KMT2A: variants seen among roughly 807,000 people sequenced by gnomAD.
KMT2A encodes the protein lysine methyltransferase 2A, also known as histone-lysine N-methyltransferase 2A.
In KMT2A, 16 loss-of-function variants were observed where a neutral mutation model predicts 345.3. That is an observed-to-expected ratio of 0.05 (90% CI 0.03 to 0.07). The LOEUF is 0.07. Among genes scored for constraint, KMT2A ranks in the 10% least tolerant of loss-of-function variants. KMT2A has a pLI of 1.00. For missense variants in KMT2A, 3,272 were observed against 4,841.6 expected (o/e 0.68, Z 9.62); for synonymous variants, 1,599 against 1,778.6 (o/e 0.90, Z 2.54).
Position 118,506,447 on chromosome 11 carries a change from C to T in KMT2A, c.10555C>T (p.Pro3519Ser). ...QASPTSPGGSPSSPSSGQRSA... is the reference protein window; with the variant it reads ...QASPTSPGGSSSSPSSGQRSA... ...CAGCCCCACCTCTCCTGGGGGTTCT[C>T]CATCCTCTCCATCTTCTGGACAGCG... Residue 3519 changes from proline to serine, a missense_variant, in exon 27 of 36, where the codon CCA (proline) becomes TCA (serine). This residue lies in a region of KMT2A where 748 missense variants were observed against 922.2 expected (regional missense o/e 0.81). Transcript: ENST00000534358. 1.2e-6 allele frequency: 2 copies of T among 1,614,204 alleles called. No individual in the cohort carries two copies. Among genetic ancestry groups the T allele is most frequent in the Non-Finnish European group, 1.7e-6 (2 of 1,180,022 alleles).
At position 118,499,386 on chromosome 11, in the gene KMT2A, T is replaced by C. The variant is rs371070385; in HGVS notation, c.6045T>C (p.Asn2015=). 4 of 1,611,586 alleles carry C rather than the reference T, an allele frequency of 2.5e-6. No individual in the cohort carries two copies. In the African/African-American group the frequency reaches 5.3e-5, roughly 21 times the overall value. ...EGISLRRKFL[N]GLEPENIHMM... ...TCAGCTTGAGAAGGAAGTTTCTCAA[T>C]GGCTTGGAACCAGAAAATATCCACA... Residue 2015 remains asparagine (N), a synonymous_variant, in exon 23 of 36, where the codon AAT becomes AAC. Transcript: ENST00000534358.
In KMT2A at chr11:118,468,007, C is replaced by CT. The variant is rs543999430; in HGVS notation, c.433-757dup. ...TTGTGCAAAATAGGTTAAACAAATC[C>CT]TTTTTTTTTTTATAGAGCAGGTTAA... On this transcript the variant is annotated intron_variant, in intron 1 of 35. Transcript: ENST00000534358. 6.8e-3 allele frequency among the ~76,000 whole-genome samples: 988 copies of CT among 145,146 alleles called. 10 individuals are homozygous for CT. The highest frequency in any genetic ancestry group is 0.022 in the African/African-American group (867 of 39,850).
intron 1 of KMT2A, among the ~76,000 whole-genome samples, chr11:118,459,775 GC>G (rs1949711673): frequency 3.1e-5 from 1 of 32,436 alleles, no homozygotes; most frequent in Non-Finnish European, 6.7e-5. Flanking sequence ...CCAACCCCCC[GC>G]CCCGGGTTCA....
Position 118,506,428 on chromosome 11 carries a change from C to T in KMT2A, c.10536C>T (p.Pro3512=), listed in dbSNP as rs1950584462. ...TATCCTCAGCTGTGCAAGCCAGCCC[C>T]ACCTCTCCTGGGGGTTCTCCATCCT... ...KALSSAVQAS[P]TSPGGSPSSP... The change falls in exon 27 of 36, where the codon CCC becomes CCT. Residue 3512 remains proline, a synonymous_variant. Transcript: ENST00000534358. The T allele has an allele frequency of 6.2e-7, 1 of 1,614,088 alleles. No individual in the cohort carries two copies. Among genetic ancestry groups the T allele is most frequent in the Non-Finnish European group, 8.5e-7 (1 of 1,180,042 alleles).
At chr11:118,468,708 T>C (rs1555034741) in intron 1 of KMT2A, 67 bp from the exon 2 acceptor site, 1 of 1,249,058 alleles carries the variant, frequency 8.0e-7, no homozygotes, top group Non-Finnish European at 1.2e-6. Flanking sequence ...CCTCTGGGCA[T>C]TTCTTTGGGA....
rs782260851 is a variant in KMT2A, at chr11:118,473,007, A to G, written c.1848A>G (p.Thr616=). The G allele has an allele frequency of 3.1e-6, 5 of 1,614,126 alleles. No individual in the cohort carries two copies. In the South Asian group the frequency reaches 5.5e-5, roughly 18 times the overall value. ...GAAAATCTATTTTGCGAGAACCGACATTTAGGTGGACTTCTTTAAAGCATT... is the reference window on the plus strand; with the variant it reads ...GAAAATCTATTTTGCGAGAACCGACGTTTAGGTGGACTTCTTTAAAGCATT... The part of the protein sequence containing the change: ...GKRKSILREP[T]FRWTSLKHSR... The change falls in exon 3 of 36, where the codon ACA becomes ACG. Residue 616 remains threonine (T), a synonymous_variant. Coordinates refer to ENST00000534358, the MANE Select transcript of KMT2A (RefSeq NM_001197104.2). The surrounding 1 kb of genome is among the most constrained non-coding windows in gnomAD (Gnocchi z 5.2).
Position 118,459,906 on chromosome 11 carries a change from G to A in KMT2A, c.433-8869G>A, listed in dbSNP as rs372495758. ...TTCACCATGTCTCTGGTCATGTCAGGATGGTCTCAAACTCCTGACCTCAAG... is the reference window on the plus strand; with the variant it reads ...TTCACCATGTCTCTGGTCATGTCAGAATGGTCTCAAACTCCTGACCTCAAG... On this transcript the variant is annotated intron_variant, in intron 1 of 35. Coordinates refer to ENST00000534358, the MANE Select transcript of KMT2A (RefSeq NM_001197104.2). 1.4e-4 allele frequency among the ~76,000 whole-genome samples: 21 copies of A among 152,172 alleles called. No individual in the cohort carries two copies. In the East Asian group the frequency reaches 3.9e-3, roughly 28 times the overall value.
chr11:118,520,148 C>A lies in KMT2A; in HGVS notation c.11429+84C>A. 1 of 883,056 alleles carries A rather than the reference C, an allele frequency of 1.1e-6. No individual in the cohort carries two copies. The highest frequency in any genetic ancestry group is 1.8e-6 in the Non-Finnish European group (1 of 558,722). 54.7% of individuals were successfully genotyped at this position (883,056 alleles called of 1,614,324 possible). ...AGGGCACTACGTAGGAATTTGTTTGCATCAGAATTTCCTGGATAAGATTTA... is the reference window on the plus strand; with the variant it reads ...AGGGCACTACGTAGGAATTTGTTTGAATCAGAATTTCCTGGATAAGATTTA... On this transcript the variant is annotated intron_variant, in intron 33 of 35. Transcript: ENST00000534358. This position sits in a 1 kb window ranked among gnomAD's most constrained non-coding sequence, Gnocchi z 4.3.
At position 118,502,312 on chromosome 11, in the gene KMT2A, A is replaced by C. The variant is rs1199681859; in HGVS notation, c.6506-86A>C. The stretch of plus-strand genomic sequence containing the variant: ...TTTCCAGTTACCTATAAATATATAT[A>C]TATATAGTCAAATCATTGAAACCAG... On this transcript the variant is annotated intron_variant, in intron 26 of 35. Coordinates refer to ENST00000534358, the MANE Select transcript of KMT2A (RefSeq NM_001197104.2). The surrounding 1 kb of genome is among the most constrained non-coding windows in gnomAD (Gnocchi z 4.9). The C allele has an allele frequency of 1.3e-5, 10 of 755,548 alleles. No homozygotes were observed. Among genetic ancestry groups the C allele is most frequent in the South Asian group, 2.4e-5 (1 of 41,236 alleles). 46.8% of individuals were successfully genotyped at this position (755,548 alleles called of 1,614,324 possible). A position where few individuals can be genotyped will look rare whatever the true frequency, so the allele number is the denominator to read the frequency against.
rs1038015863 is a variant in KMT2A, at chr11:118,493,183, C to T, written c.5131C>T (p.Leu1711=). The T allele has an allele frequency of 6.2e-7, 1 of 1,614,054 alleles. No homozygotes were observed. The highest frequency in any genetic ancestry group is 8.5e-7 in the Non-Finnish European group (1 of 1,179,976). Residue 1711 remains leucine, a synonymous_variant, in exon 16 of 36, where the codon CTA becomes TTA. Transcript: ENST00000534358. This position sits in a 1 kb window ranked among gnomAD's most constrained non-coding sequence, Gnocchi z 5.8. ...ACAGGATGATCAGCAGCCTTTAGAT[C>T]TAGAAGGAGTCAAGAGGAAGATGGA... ...SKQDDQQPLD[L]EGVKRKMDQG... is the part of the protein sequence containing the mutation.
intron 32 of KMT2A, 80 bp from the exon 33 acceptor site, chr11:118,519,877 G>T (rs1950919370): frequency 6.4e-7 from 1 of 1,562,056 alleles, no homozygotes; most frequent in African/African-American, 1.4e-5. Context: ...TACCCTTTGA[G>T]ATTTCCAGTT....
intron 31 of KMT2A, among the ~76,000 whole-genome samples, chr11:118,513,204 A>G (rs1950726519): frequency 6.6e-6 from 1 of 152,158 alleles, no homozygotes; most frequent in South Asian, 2.1e-4. Flanking sequence ...TGATCTTAGC[A>G]CTGCACTCCA....
intron 28 of KMT2A, among the ~76,000 whole-genome samples, chr11:118,508,021 A>G (rs1344997497): frequency 6.6e-6 from 1 of 152,214 alleles, no homozygotes; most frequent in Non-Finnish European, 1.5e-5. Context: ...TTTCTTGCCA[A>G]AGTTTTTTAA....
In KMT2A at chr11:118,484,828, A is replaced by G. The variant is rs782685611; in HGVS notation, c.4219-34A>G. The G allele has an allele frequency of 2.1e-6, 3 of 1,450,044 alleles. No homozygotes were observed. Among genetic ancestry groups the G allele is most frequent in the Non-Finnish European group, 1.9e-6 (2 of 1,031,098 alleles). The allele number at this position is 1,450,044 out of a possible 1,614,324, so 89.8% of individuals were successfully genotyped here. A position where few individuals can be genotyped will look rare whatever the true frequency, so the allele number is the denominator to read the frequency against. On this transcript the variant is annotated intron_variant, in intron 9 of 35. Transcript: ENST00000534358. The surrounding 1 kb of genome is among the most constrained non-coding windows in gnomAD (Gnocchi z 4.1). ...TTTCCATCCAAAGTTGTGTAATTGT[A>G]AAACTTTCCTAAGTGACCTTTCTCT... is the stretch of plus-strand genomic sequence containing the variant.
At chr11:118,512,724 G>A (rs1212031413) in intron 31 of KMT2A, among the ~76,000 whole-genome samples, 2 of 151,244 alleles carry the variant, frequency 1.3e-5, no homozygotes, top group African/African-American at 4.9e-5. Context: ...TTCCAAAGTG[G>A]CTATACCATT....
At chr11:118,437,866 G>C (rs549290735) in intron 1 of KMT2A, among the ~76,000 whole-genome samples, 4 of 152,276 alleles carry the variant, frequency 2.6e-5, no homozygotes, top group African/African-American at 9.6e-5. Context: ...GAGGAGGCAG[G>C]CTTTCCCTCC....
At chr11:118,477,768 A>G (rs2134285898) in intron 4 of KMT2A, among the ~76,000 whole-genome samples, 199 bp from the exon 5 acceptor site, 1 of 151,960 alleles carries the variant, frequency 6.6e-6, no homozygotes, top group South Asian at 2.1e-4. Flanking sequence ...CAGCCTCCCA[A>G]AGTGCTAGGA....
At chr11:118,480,748 A>G (rs188250633) in intron 6 of KMT2A, among the ~76,000 whole-genome samples, 1 of 152,108 alleles carries the variant, frequency 6.6e-6, no homozygotes, top group Admixed American at 6.5e-5. Flanking sequence ...CTGTAGCTTC[A>G]ACCTCCCACG....
intron 10 of KMT2A, among the ~76,000 whole-genome samples, chr11:118,488,128 C>T (rs1180823951): frequency 6.6e-6 from 1 of 152,080 alleles, no homozygotes; most frequent in Non-Finnish European, 1.5e-5. Flanking sequence ...TGCAGTGAGT[C>T]GAGATCGCAC....
Sources: allele counts gnomAD v4.1 joint callset (sites outside exome capture counted in the v4.1 genomes callset), GRCh38; gene constraint gnomAD v4.1.1; regional missense constraint gnomAD v4.1.1; non-coding constraint Gnocchi (gnomAD v3.1); transcripts MANE v1.5; gene names NCBI Gene and HGNC (gene_info 2026-07-23, HGNC 2026-07-21).